SGCZ: variants seen among roughly 807,000 people sequenced by gnomAD.
The protein encoded by SGCZ is sarcoglycan zeta.
SGCZ carries 40 observed loss-of-function variants against 41.3 expected under a neutral mutation model. That is an observed-to-expected ratio of 0.97 (90% CI 0.75 to 1.26). The LOEUF (loss-of-function observed/expected upper bound fraction) is 1.26, where lower values mean the gene tolerates loss of function less well. Ranked by LOEUF, SGCZ falls within the 50% of genes most tolerant of loss-of-function variation. The pLI, the probability that SGCZ is intolerant of heterozygous loss-of-function variation, is 0.00. For missense variants in SGCZ, 552 were observed against 369.8 expected (o/e 1.49, Z -4.04); for synonymous variants, 206 against 137.5 (o/e 1.50, Z -3.49).
chr8:14,945,844 C>T (rs1388683195), intron 1 of SGCZ, among the ~76,000 whole-genome samples: 1 of 150,586 alleles, frequency 6.6e-6, no homozygotes, highest in East Asian at 2.0e-4. Flanking sequence ...GTTCTCACAC[C>T]TTCTGCTTCA....
chr8:15,089,357 A>T (rs1274881368), intron 1 of SGCZ, among the ~76,000 whole-genome samples: 2 of 152,126 alleles, frequency 1.3e-5, no homozygotes, highest in Non-Finnish European at 2.9e-5. Context: ...CTCCTGTCTG[A>T]CTGGGACATG....
chr8:14,726,339 T>TAA (rs1382497541), intron 1 of SGCZ, among the ~76,000 whole-genome samples: 1 of 145,192 alleles, frequency 6.9e-6, no homozygotes, highest in African/African-American at 2.5e-5. Flanking sequence ...TATATATATA[T>TAA]ATAAAATTAG....
chr8:15,205,021 T>C (rs1585672166), intron 1 of SGCZ, among the ~76,000 whole-genome samples: 1 of 152,114 alleles, frequency 6.6e-6, no homozygotes, highest in East Asian at 1.9e-4. Flanking sequence ...AAAATAGAAT[T>C]TTTTCATGAA....
intron 2 of SGCZ, among the ~76,000 whole-genome samples, chr8:14,341,448 GT>G (rs202134180): frequency 1.3e-5 from 2 of 151,900 alleles, no homozygotes; most frequent in South Asian, 2.1e-4. Flanking sequence ...CCTTTTGTTT[GT>G]TTTTTTAATA....
chr8:14,236,630 T>C (rs1434337007), intron 4 of SGCZ, among the ~76,000 whole-genome samples: 5 of 151,524 alleles, frequency 3.3e-5, no homozygotes, highest in African/African-American at 1.2e-4. Context: ...TAATTTACTT[T>C]TCTCTTTCCC....
intron 1 of SGCZ, among the ~76,000 whole-genome samples, chr8:14,962,186 C>T (rs1480094344): frequency 6.6e-6 from 1 of 152,146 alleles, no homozygotes; most frequent in South Asian, 2.1e-4. Flanking sequence ...TTACGTCAAC[C>T]AGTTTCTGAT....
chr8:14,142,068 C>G (rs1220796726), intron 5 of SGCZ, among the ~76,000 whole-genome samples: 1 of 152,092 alleles, frequency 6.6e-6, no homozygotes, highest in African/African-American at 2.4e-5. Flanking sequence ...ATCGCAAGGA[C>G]AGAAAACCAA....
intron 1 of SGCZ, among the ~76,000 whole-genome samples, chr8:14,993,927 G>T (rs1484164789): frequency 1.3e-5 from 2 of 152,166 alleles, no homozygotes; most frequent in Admixed American, 1.3e-4. Context: ...TATGACTCTA[G>T]CTGCTGTGCT....
chr8:14,613,823 G>T (rs1222440522), intron 1 of SGCZ, among the ~76,000 whole-genome samples: 1 of 152,070 alleles, frequency 6.6e-6, no homozygotes, highest in African/African-American at 2.4e-5. Flanking sequence ...ATGAAATTGA[G>T]ACTGAAATGG....
chr8:14,443,190 G>A (rs1168798397), intron 2 of SGCZ, among the ~76,000 whole-genome samples: 2 of 152,160 alleles, frequency 1.3e-5, no homozygotes, highest in Non-Finnish European at 2.9e-5. Context: ...AATATTCCAT[G>A]CTCATGGGTA....
rs1290181735 is a variant in SGCZ at position 14,936,158 on chromosome 8, G to C, written c.39+301427C>G. Among the ~76,000 whole-genome samples the C allele has an allele frequency of 2.0e-5, 3 of 151,958 alleles. No homozygotes were observed. In the East Asian group the frequency reaches 5.8e-4, roughly 29 times the overall value. ...TGTAATTCAGGAGTGGGTAGAAGAG[G>C]CGGAAAGGTATCCAATAAGCCTATA... On this transcript the variant is annotated intron_variant, in intron 1 of 7. Transcript: ENST00000382080.
At chr8:14,895,768 G>C (rs148801680) in intron 1 of SGCZ, among the ~76,000 whole-genome samples, 2 of 152,150 alleles carry the variant, frequency 1.3e-5, no homozygotes, top group African/African-American at 2.4e-5. Flanking sequence ...TAGATGCAGT[G>C]GTTCCCAGCC....
At chr8:14,508,609 T>G (rs1263157205) in intron 2 of SGCZ, among the ~76,000 whole-genome samples, 1 of 152,152 alleles carries the variant, frequency 6.6e-6, no homozygotes, top group Non-Finnish European at 1.5e-5. Flanking sequence ...TGTGCCTTGG[T>G]GGGTCACTAA....
At chr8:14,433,761 T>C (rs554292895) in intron 2 of SGCZ, among the ~76,000 whole-genome samples, 1 of 152,300 alleles carries the variant, frequency 6.6e-6, no homozygotes, top group East Asian at 1.9e-4. Flanking sequence ...ACATTGTTCT[T>C]GGAATTATTT....
intron 2 of SGCZ, among the ~76,000 whole-genome samples, chr8:14,442,148 T>G (rs942425776): frequency 6.6e-6 from 1 of 152,200 alleles, no homozygotes; most frequent in Non-Finnish European, 1.5e-5. Context: ...CCCCTTGATA[T>G]GGTTTGGCTG....
At chr8:14,109,401 CT>C (rs1802307758) in intron 5 of SGCZ, among the ~76,000 whole-genome samples, 1 of 152,006 alleles carries the variant, frequency 6.6e-6, no homozygotes, top group African/African-American at 2.4e-5. Context: ...TTGAGAAAAT[CT>C]TTTCTGTAAT....
intron 1 of SGCZ, among the ~76,000 whole-genome samples, chr8:14,667,664 G>C (rs962450164): frequency 6.6e-6 from 1 of 152,082 alleles, no homozygotes; most frequent in Non-Finnish European, 1.5e-5. Context: ...TTCCAGAATA[G>C]TATAATCACA....
At chr8:14,375,279 A>T (rs1804073514) in intron 2 of SGCZ, among the ~76,000 whole-genome samples, 1 of 152,218 alleles carries the variant, frequency 6.6e-6, no homozygotes, top group Admixed American at 6.5e-5. Context: ...TAAAGCAAGA[A>T]ACTATTGGAA....
chr8:15,052,062 T>G (rs374061682), intron 1 of SGCZ, among the ~76,000 whole-genome samples: 1 of 152,152 alleles, frequency 6.6e-6, no homozygotes, highest in Admixed American at 6.5e-5. Context: ...GAGCCGTAAT[T>G]TAGACTGTTC....
Sources: allele counts gnomAD v4.1 joint callset (sites outside exome capture counted in the v4.1 genomes callset), GRCh38; gene constraint gnomAD v4.1.1; transcripts MANE v1.5; gene names NCBI Gene and HGNC (gene_info 2026-07-23, HGNC 2026-07-21).